The following AP3M1 variants were observed in gnomAD, a reference collection of about 807,000 sequenced individuals.
AP3M1 encodes the protein AP-3 complex subunit mu-1.
In AP3M1, 29 loss-of-function variants were observed where a neutral mutation model predicts 42.6. That is an observed-to-expected ratio of 0.68 (90% CI 0.51 to 0.93). AP3M1 has a LOEUF of 0.93. Among genes scored for constraint, AP3M1 ranks in the 40% least tolerant of loss-of-function variants. The probability of loss-of-function intolerance (pLI) is 0.00; values close to 1 mark genes in which losing one functional copy is unlikely to be tolerated. For missense variants in AP3M1, 416 were observed against 510.2 expected, an observed-to-expected ratio of 0.82 and a Z score of 1.78; for synonymous variants, 178 against 175.3, an observed-to-expected ratio of 1.02 and a Z score of -0.12.
At chr10:74,146,308 A>G (rs1841324031) in intron 1 of AP3M1, among the ~76,000 whole-genome samples, 1 of 152,196 alleles carries the variant, frequency 6.6e-6, no homozygotes, top group South Asian at 2.1e-4. Flanking sequence ...TTTGGACTTT[A>G]TTCTTAGTGC....
In AP3M1 at chr10:74,121,129, T is replaced by C. The variant is rs1840441685; in HGVS notation, c.*2681A>G. 1 of 152,232 alleles carries C rather than the reference T, an allele frequency of 6.6e-6. No individual in the cohort carries two copies. The highest frequency in any genetic ancestry group is 2.4e-5 in the African/African-American group (1 of 41,468). 9.4% of individuals were successfully genotyped at this position (152,232 alleles called of 1,614,324 possible). A position where few individuals can be genotyped will look rare whatever the true frequency, so the allele number is the denominator to read the frequency against. ...ACTATAAAGACAGATTCCAGCCTGC[T>C]TGAGTTAAGGGAAAGGCCAAGGCTG... On this transcript the variant is annotated 3_prime_UTR_variant, in exon 9 of 9. Coordinates refer to ENST00000355264, the MANE Select transcript of AP3M1 (RefSeq NM_012095.6).
chr10:74,121,044 G>GAT lies in AP3M1; in HGVS notation c.*2764_*2765dup, dbSNP rs1162643110. On this transcript the variant is annotated 3_prime_UTR_variant, in exon 9 of 9. Coordinates refer to ENST00000355264, the MANE Select transcript of AP3M1 (RefSeq NM_012095.6). ...GGGTAACATGTCATTAAAGGGTGAT[G>GAT]ATATTGATATTTAGTGTTGCCAACT... is the stretch of plus-strand genomic sequence containing the variant. 7 of 152,140 alleles carry GAT rather than the reference G, an allele frequency of 4.6e-5. No homozygotes were observed. Among genetic ancestry groups the GAT allele is most frequent in the African/African-American group, 1.4e-4 (6 of 41,432 alleles). The allele number at this position is 152,140 out of a possible 1,614,324, so 9.4% of individuals were successfully genotyped here. A position where few individuals can be genotyped will look rare whatever the true frequency, so the allele number is the denominator to read the frequency against.
At chr10:74,130,769 A>G (rs1254739798) in intron 4 of AP3M1, among the ~76,000 whole-genome samples, 2 of 152,136 alleles carry the variant, frequency 1.3e-5, no homozygotes, top group South Asian at 2.1e-4. Flanking sequence ...AAGGAAAATT[A>G]AACTGTTTCC....
chr10:74,128,100 T>TAA lies in AP3M1; in HGVS notation c.803+1006_803+1007dup, dbSNP rs754897677. 3.0e-3 allele frequency among the ~76,000 whole-genome samples: 206 copies of TAA among 68,398 alleles called. 3 individuals are homozygous for TAA. The highest frequency in any genetic ancestry group is 0.015 in the Middle Eastern group (2 of 130). 44.9% of individuals were successfully genotyped at this position (68,398 alleles called of 152,430 possible). ...GAGCAACAAGAGCCAAACTCCGGCT[T>TAA]AAAAAAAAAAAAAAAAAAAAAAAAG... On this transcript the variant is annotated intron_variant, in intron 6 of 8. Coordinates refer to ENST00000355264, the MANE Select transcript of AP3M1 (RefSeq NM_012095.6).
At chr10:74,141,805 C>A (rs1359090200) in intron 1 of AP3M1, among the ~76,000 whole-genome samples, 1 of 150,918 alleles carries the variant, frequency 6.6e-6, no homozygotes, top group Non-Finnish European at 1.5e-5. Context: ...CTCTGCCTCC[C>A]AAGTTCACGA....
rs748019786 is a variant in AP3M1 at position 74,124,424 on chromosome 10, G to A, written c.1112C>T (p.Pro371Leu). 8.1e-6 allele frequency: 13 copies of A among 1,613,346 alleles called. No homozygotes were observed. The highest frequency in any genetic ancestry group is 5.3e-5 in the African/African-American group (4 of 74,858). The part of the protein sequence containing the change: ...QSGAPKPEEN[P>L]SLNIQFKIQQ... ...GATCTTAAACTGTATGTTGAGGCTC[G>A]GATTCTCTTCTGGTTTGGGGGCTCC... The change falls in exon 8 of 9, where the codon CCG becomes CTG. Residue 371 changes from proline to leucine, a missense_variant. Physicochemically the swap from Pro to Leu is moderately conservative, Grantham distance 98 (BLOSUM62 -3). Coordinates refer to ENST00000355264, the MANE Select transcript of AP3M1 (RefSeq NM_012095.6).
chr10:74,137,382 T>C (rs1172086557), intron 2 of AP3M1, among the ~76,000 whole-genome samples: 1 of 152,242 alleles, frequency 6.6e-6, no homozygotes, highest in Non-Finnish European at 1.5e-5. Context: ...TATTGAAACA[T>C]TAAATTGGAA....
intron 3 of AP3M1, among the ~76,000 whole-genome samples, chr10:74,135,497 T>C (rs995094104): frequency 2.0e-5 from 3 of 152,212 alleles, no homozygotes; most frequent in Non-Finnish European, 4.4e-5. Context: ...TCTCTGACTA[T>C]AAAATACATG....
At chr10:74,147,750 C>T (rs1389746369) in intron 1 of AP3M1, among the ~76,000 whole-genome samples, 7 of 152,110 alleles carry the variant, frequency 4.6e-5, no homozygotes, top group Non-Finnish European at 5.9e-5. Context: ...CCTGTAATCC[C>T]AGCACTTTGG....
intron 2 of AP3M1, 49 bp from the exon 3 acceptor site, chr10:74,136,852 G>GCCTGCTAAATACTT: frequency 7.8e-7 from 1 of 1,274,414 alleles, no homozygotes. Flanking sequence ...AAAAAGAAAG[G>GCCTGCTAAATACTT]CCTGCTAAAT....
At chr10:74,149,539 C>T (rs1008431131) in intron 1 of AP3M1, among the ~76,000 whole-genome samples, 27 of 152,070 alleles carry the variant, frequency 1.8e-4, no homozygotes, top group African/African-American at 6.3e-4. Context: ...CCGCCCGCTT[C>T]AGCCTGCCAA....
chr10:74,130,879 C>T (rs1024614171), intron 4 of AP3M1, among the ~76,000 whole-genome samples: 6 of 151,844 alleles, frequency 4.0e-5, no homozygotes, highest in African/African-American at 1.2e-4. Flanking sequence ...GGGAGGCTGA[C>T]GTGGGTAGAT....
Position 74,130,727 on chromosome 10 carries a change from G to C in AP3M1, c.584-735C>G, listed in dbSNP as rs1840755674. Among the ~76,000 whole-genome samples the C allele has an allele frequency of 2.6e-5, 4 of 152,162 alleles. No homozygotes were observed. The South Asian group carries it at 8.3e-4, about 32-fold the overall frequency. ...CAAAGTGCTGGGATTACAGGTGTGA[G>C]CTACCATACCCAGCCAGAATATGCT... is the stretch of plus-strand genomic sequence containing the variant. On this transcript the variant is annotated intron_variant, in intron 4 of 8. Coordinates refer to ENST00000355264, the MANE Select transcript of AP3M1 (RefSeq NM_012095.6).
chr10:74,134,220 T>C, intron 3 of AP3M1, 56 bp from the exon 4 acceptor site: 9 of 1,539,832 alleles, frequency 5.8e-6, no homozygotes, highest in Non-Finnish European at 7.9e-6. Flanking sequence ...CATGAGAAAA[T>C]TTATTACTAG....
chr10:74,123,892 A>C lies in AP3M1; in HGVS notation c.1175T>G (p.Leu392Trp). 2.5e-6 allele frequency: 4 copies of C among 1,613,910 alleles called. No individual in the cohort carries two copies. The highest frequency in any genetic ancestry group is 3.4e-6 in the Non-Finnish European group (4 of 1,179,790). ...CTTATATTTCTCCCCATACATGTCC[A>C]AACGGTTTACTTTTAAGCCTGTATC... ...LAISGLKVNR[L>W]DMYGEKYKPF... The change falls in exon 9 of 9, where the codon TTG (leucine) becomes TGG (tryptophan). Residue 392 changes from leucine (L) to tryptophan (W), a missense_variant. By Grantham distance (61) the Leu-to-Trp change is moderately conservative. Transcript: ENST00000355264.
At chr10:74,138,583 C>A (rs1428291750) in intron 1 of AP3M1, among the ~76,000 whole-genome samples, 1 of 132,982 alleles carries the variant, frequency 7.5e-6, no homozygotes, top group African/African-American at 2.8e-5. Flanking sequence ...TGACAAAATC[C>A]AACATCCTTT....
chr10:74,143,335 C>T (rs556518144), intron 1 of AP3M1, among the ~76,000 whole-genome samples: 3 of 152,322 alleles, frequency 2.0e-5, no homozygotes, highest in East Asian at 1.9e-4. Context: ...CTGCAACCTC[C>T]GTCTCCCATG....
rs1334758755 is a variant in AP3M1 at position 74,122,205 on chromosome 10, C to G, written c.*1605G>C. The G allele has an allele frequency of 2.6e-5, 4 of 152,068 alleles. No homozygotes were observed. The highest frequency in any genetic ancestry group is 4.4e-5 in the Non-Finnish European group (3 of 68,020). The allele number at this position is 152,068 out of a possible 1,614,324, so 9.4% of individuals were successfully genotyped here. A position where few individuals can be genotyped will look rare whatever the true frequency, so the allele number is the denominator to read the frequency against. ...GCTGCAAAACGTTGCCTTTCTTATTCCATGAAAGGCAGGGCAGGCAAAGGT... is the reference window on the plus strand; with the variant it reads ...GCTGCAAAACGTTGCCTTTCTTATTGCATGAAAGGCAGGGCAGGCAAAGGT... On this transcript the variant is annotated 3_prime_UTR_variant, in exon 9 of 9. Coordinates refer to ENST00000355264, the MANE Select transcript of AP3M1 (RefSeq NM_012095.6).
chr10:74,140,099 A>T (rs1474280412), intron 1 of AP3M1, among the ~76,000 whole-genome samples: 1 of 152,132 alleles, frequency 6.6e-6, no homozygotes, highest in African/African-American at 2.4e-5. Context: ...CCCCACCTGC[A>T]GCTGAGCATC....
Sources: allele counts gnomAD v4.1 joint callset (sites outside exome capture counted in the v4.1 genomes callset), GRCh38; gene constraint gnomAD v4.1.1; transcripts MANE v1.5; gene names NCBI Gene and HGNC (gene_info 2026-07-23, HGNC 2026-07-21).